The following RBFOX1 variants were observed in gnomAD, a reference collection of about 807,000 sequenced individuals.
RBFOX1 encodes the protein RNA binding protein fox-1 homolog 1.
In RBFOX1, 8 loss-of-function variants were observed where a neutral mutation model predicts 57.7. That is an observed-to-expected ratio of 0.14 (90% CI 0.08 to 0.25). RBFOX1 has a LOEUF of 0.25. RBFOX1 is among the 10% of genes least tolerant of loss of function. The pLI, the probability that RBFOX1 is intolerant of heterozygous loss-of-function variation, is 1.00. For missense variants in RBFOX1, 611 were observed against 548.5 expected (o/e 1.11, Z -1.14); for synonymous variants, 326 against 222.4 (o/e 1.47, Z -4.15).
At chr16:5,389,076 A>T (rs1244875885) in intron 1 of RBFOX1, among the ~76,000 whole-genome samples, 1 of 151,426 alleles carries the variant, frequency 6.6e-6, no homozygotes, top group Non-Finnish European at 1.5e-5. Context: ...CTGTAGTCCC[A>T]GCTACTCGGG....
At chr16:7,495,086 T>G (rs2068177410) in intron 4 of RBFOX1, among the ~76,000 whole-genome samples, 2 of 152,210 alleles carry the variant, frequency 1.3e-5, no homozygotes, top group African/African-American at 4.8e-5. Context: ...TTTCTGTTCC[T>G]GCATTAATTC....
chr16:7,317,889 T>G (rs1218296465), intron 4 of RBFOX1, among the ~76,000 whole-genome samples: 1 of 152,198 alleles, frequency 6.6e-6, no homozygotes, highest in Non-Finnish European at 1.5e-5. Context: ...AGCTAGTTTG[T>G]ATACTACCCC....
intron 2 of RBFOX1, among the ~76,000 whole-genome samples, chr16:6,488,683 T>TTAA: frequency 6.6e-6 from 1 of 152,348 alleles, no homozygotes; most frequent in South Asian, 2.1e-4. Flanking sequence ...TAATGGGTAC[T>TTAA]TAAGAGATAC....
At chr16:7,323,621 C>G (rs964811738) in intron 4 of RBFOX1, among the ~76,000 whole-genome samples, 9 of 152,216 alleles carry the variant, frequency 5.9e-5, no homozygotes, top group Admixed American at 6.5e-5. Flanking sequence ...CACTTCCCCT[C>G]TCATGGTCTC....
chr16:6,951,164 C>T (rs925059231), intron 3 of RBFOX1, among the ~76,000 whole-genome samples: 3 of 152,154 alleles, frequency 2.0e-5, no homozygotes, highest in Non-Finnish European at 4.4e-5. Context: ...GCATCAGCTT[C>T]CCAAAGTGTT....
chr16:5,395,029 A>G (rs2066511987), intron 1 of RBFOX1, among the ~76,000 whole-genome samples: 1 of 152,164 alleles, frequency 6.6e-6, no homozygotes, highest in Non-Finnish European at 1.5e-5. Context: ...CCACATTTCA[A>G]GCCAGGTGCT....
intron 1 of RBFOX1, among the ~76,000 whole-genome samples, chr16:6,171,965 G>T (rs2096963724): frequency 6.6e-6 from 1 of 152,004 alleles, no homozygotes; most frequent in African/African-American, 2.4e-5. Context: ...GGGATTACAG[G>T]TGCATGCCTC....
chr16:7,312,689 A>G (rs1176713953), intron 4 of RBFOX1, among the ~76,000 whole-genome samples: 1 of 152,178 alleles, frequency 6.6e-6, no homozygotes, highest in African/African-American at 2.4e-5. Flanking sequence ...AGGAGGGAAA[A>G]TAAAAATTGT....
intron 3 of RBFOX1, among the ~76,000 whole-genome samples, chr16:5,782,959 C>T (rs1009769470): frequency 6.6e-6 from 1 of 152,134 alleles, no homozygotes; most frequent in East Asian, 1.9e-4. Context: ...ATGACATCAC[C>T]CACACGGGTG....
chr16:7,006,744 G>A (rs948305052), intron 3 of RBFOX1, among the ~76,000 whole-genome samples: 3 of 152,086 alleles, frequency 2.0e-5, no homozygotes, highest in African/African-American at 4.8e-5. Context: ...CACCATGCCT[G>A]GCAATTAATT....
At chr16:7,000,649 G>C (rs1342068035) in intron 3 of RBFOX1, among the ~76,000 whole-genome samples, 2 of 119,012 alleles carry the variant, frequency 1.7e-5, no homozygotes, top group Middle Eastern at 6.3e-3. Flanking sequence ...CTGTCGCCCA[G>C]GCTGGAGTGC....
At chr16:7,342,799 C>A (rs149757279) in intron 4 of RBFOX1, among the ~76,000 whole-genome samples, 100 of 152,226 alleles carry the variant, frequency 6.6e-4, no homozygotes, top group Non-Finnish European at 8.5e-4. Context: ...AGCCACCATC[C>A]TCTTCCCACT....
intron 3 of RBFOX1, among the ~76,000 whole-genome samples, chr16:6,771,881 C>A (rs901667135): frequency 1.3e-5 from 2 of 152,092 alleles, no homozygotes; most frequent in African/African-American, 2.4e-5. Flanking sequence ...TTTCCCTTCT[C>A]CCCATTAGAC....
chr16:5,558,985 TC>T (rs1449377234), intron 2 of RBFOX1, among the ~76,000 whole-genome samples: 1 of 151,910 alleles, frequency 6.6e-6, no homozygotes, highest in Non-Finnish European at 1.5e-5. Context: ...AGGGAGGTGA[TC>T]CCACACTCTC....
At chr16:5,683,159 G>A (rs564075612) in intron 3 of RBFOX1, among the ~76,000 whole-genome samples, 28 of 151,896 alleles carry the variant, frequency 1.8e-4, no homozygotes, top group Admixed American at 1.4e-3. Flanking sequence ...AGGTGGAGGT[G>A]GGGGGTGGGG....
intron 2 of RBFOX1, among the ~76,000 whole-genome samples, chr16:6,433,879 ACT>A (rs111956355): frequency 0.025 from 3,227 of 129,438 alleles, 136 homozygotes; most frequent in African/African-American, 0.088. Flanking sequence ...TGGGGGTCTC[ACT>A]CTGTTTCCCA....
intron 2 of RBFOX1, among the ~76,000 whole-genome samples, chr16:6,412,761 A>T (rs1429825442): frequency 6.6e-6 from 1 of 152,168 alleles, no homozygotes; most frequent in Non-Finnish European, 1.5e-5. Flanking sequence ...TTGTCTCGGA[A>T]CCATCTAATG....
intron 4 of RBFOX1, among the ~76,000 whole-genome samples, chr16:7,254,015 G>A (rs555264042): frequency 2.0e-5 from 3 of 152,146 alleles, no homozygotes; most frequent in Non-Finnish European, 4.4e-5. Flanking sequence ...AGCAGGGATG[G>A]AAAGTGTAAA....
intron 3 of RBFOX1, among the ~76,000 whole-genome samples, chr16:6,723,098 C>A (rs951492539): frequency 6.6e-6 from 1 of 152,140 alleles, no homozygotes; most frequent in African/African-American, 2.4e-5. Context: ...GATGTGGACA[C>A]CAGAGTTTTC....
Sources: gnomAD v4.1 joint callset for allele counts (sites outside exome capture counted in the v4.1 genomes callset) on GRCh38, gnomAD v4.1.1 for gene constraint, MANE v1.5 for transcripts, NCBI Gene and HGNC (gene_info 2026-07-23, HGNC 2026-07-21) for gene names.